Variants in ERI3 observed in about 807,000 individuals in gnomAD.
ERI3 encodes ERI1 exoribonuclease family member 3.
Under a neutral mutation model 44.4 loss-of-function variants are expected in ERI3, and 18 were observed. That is an observed-to-expected ratio of 0.41 (90% CI 0.28 to 0.60). ERI3 has a LOEUF of 0.60. Ranked by LOEUF, ERI3 falls within the 20% of genes least tolerant of loss-of-function variation. ERI3 has a pLI of 0.36. For missense variants in ERI3, 294 were observed against 435.5 expected, an observed-to-expected ratio of 0.68 and a Z score of 2.89; for synonymous variants, 183 against 164.8, an observed-to-expected ratio of 1.11 and a Z score of -0.84.
intron 7 of ERI3, among the ~76,000 whole-genome samples, chr1:44,257,165 C>T (rs544236205): frequency 4.9e-4 from 74 of 152,246 alleles, no homozygotes; most frequent in Admixed American, 1.0e-3. Flanking sequence ...CACTGCATAA[C>T]GATATAATGA....
chr1:44,342,853 A>ATT (rs1646706863), intron 2 of ERI3, among the ~76,000 whole-genome samples: 1 of 32,446 alleles, frequency 3.1e-5, no homozygotes, highest in African/African-American at 1.5e-4. Context: ...ATATATATAT[A>ATT]TATATTTTTT....
chr1:44,284,795 G>T, intron 7 of ERI3, 40 bp downstream of exon 7: 2 of 1,520,044 alleles, frequency 1.3e-6, no homozygotes, highest in Non-Finnish European at 1.8e-6. Context: ...AGGCACAAGA[G>T]CACCAGGGGA....
intron 3 of ERI3, among the ~76,000 whole-genome samples, chr1:44,329,190 C>T (rs1646378928): frequency 6.6e-6 from 1 of 152,302 alleles, no homozygotes; most frequent in South Asian, 2.1e-4. Flanking sequence ...CAGACACAAG[C>T]CAGGAGCTTA....
chr1:44,341,244 T>G lies in ERI3; in HGVS notation c.212-1922A>C, dbSNP rs371631465. On this transcript the variant is annotated intron_variant, in intron 2 of 8. Coordinates refer to ENST00000372257, the MANE Select transcript of ERI3 (RefSeq NM_024066.3). Reference sequence around the variant, plus strand: ...GCTGTGTTCTTCAATTCCTCATCTGTAAAATGACAATAACAATAGCACCTA... The same window carrying G: ...GCTGTGTTCTTCAATTCCTCATCTGGAAAATGACAATAACAATAGCACCTA... Among the ~76,000 whole-genome samples, 8 of 152,322 alleles carry G rather than the reference T, an allele frequency of 5.3e-5. No individual in the cohort carries two copies. In the East Asian group the frequency reaches 1.5e-3, roughly 29 times the overall value.
chr1:44,265,083 C>T (rs536571110), intron 7 of ERI3, among the ~76,000 whole-genome samples: 29 of 152,304 alleles, frequency 1.9e-4, no homozygotes, highest in African/African-American at 6.3e-4. Context: ...CACTCCCTCC[C>T]GCAAGCATCC....
chr1:44,299,636 T>G lies in ERI3; in HGVS notation c.758+8674A>C, dbSNP rs182013420. Among the ~76,000 whole-genome samples, 7 of 152,290 alleles carry G rather than the reference T, an allele frequency of 4.6e-5. 1 individual carries two copies. In the South Asian group the frequency reaches 1.5e-3, roughly 32 times the overall value. ...GCTTGGGAAAAAAGGTCTTCCAGCCTTCACTCTCTATCTGACAGAAGTCAG... is the reference window on the plus strand; with the variant it reads ...GCTTGGGAAAAAAGGTCTTCCAGCCGTCACTCTCTATCTGACAGAAGTCAG... On this transcript the variant is annotated intron_variant, in intron 6 of 8. Transcript: ENST00000372257.
chr1:44,241,081 G>A lies in ERI3; in HGVS notation c.931+6858C>T, dbSNP rs1644422831. On this transcript the variant is annotated intron_variant, in intron 8 of 8. Transcript: ENST00000372257. This position sits in a 1 kb window ranked among gnomAD's most constrained non-coding sequence, Gnocchi z 5.6. ...AGGGGCTGCTGTGAATGCCACTGGA[G>A]TGAAGGCTGTCTGTGCCACTCTAGG... 6.6e-6 allele frequency among the ~76,000 whole-genome samples: 1 copy of A among 152,178 alleles called. No homozygotes were observed. Among genetic ancestry groups the A allele is most frequent in the Non-Finnish European group, 1.5e-5 (1 of 68,016 alleles).
intron 8 of ERI3, among the ~76,000 whole-genome samples, chr1:44,244,991 T>C (rs1388530047): frequency 6.6e-6 from 1 of 151,912 alleles, no homozygotes; most frequent in East Asian, 1.9e-4. Flanking sequence ...CCAATACACA[T>C]ACCACTCCCC....
intron 6 of ERI3, among the ~76,000 whole-genome samples, chr1:44,287,556 C>T (rs565844303): frequency 4.1e-4 from 63 of 152,316 alleles, no homozygotes; most frequent in Non-Finnish European, 6.9e-4. Context: ...GGTCAGTTTC[C>T]TGGAAGGGAA....
chr1:44,306,908 T>C (rs1158924246), intron 6 of ERI3, among the ~76,000 whole-genome samples: 1 of 152,178 alleles, frequency 6.6e-6, no homozygotes. Flanking sequence ...GTAGCTTCTC[T>C]TGGGCTACAG....
intron 7 of ERI3, among the ~76,000 whole-genome samples, chr1:44,266,462 T>C (rs2154320858): frequency 6.6e-6 from 1 of 152,340 alleles, no homozygotes; most frequent in South Asian, 2.1e-4. Context: ...GATCAGTACA[T>C]TGATAGTCTA....
chr1:44,240,100 C>T (rs1572087007), intron 8 of ERI3, among the ~76,000 whole-genome samples: 1 of 152,252 alleles, frequency 6.6e-6, no homozygotes, highest in East Asian at 1.9e-4. Context: ...CCTCAGCCAC[C>T]ACAGCAGGCT....
Position 44,235,559 on chromosome 1 carries a change from G to T in ERI3, c.931+12380C>A, listed in dbSNP as rs918140755. ...ACTGAAAAGAAGGAAGGAAGGACTA[G>T]AGGAAAAGAAAGAGGGGCAAGATCA... On this transcript the variant is annotated intron_variant, in intron 8 of 8. Coordinates refer to ENST00000372257, the MANE Select transcript of ERI3 (RefSeq NM_024066.3). This position sits in a 1 kb window ranked among gnomAD's most constrained non-coding sequence, Gnocchi z 4.6. Among the ~76,000 whole-genome samples, 1 of 152,166 alleles carries T rather than the reference G, an allele frequency of 6.6e-6. No individual in the cohort carries two copies. The highest frequency in any genetic ancestry group is 6.5e-5 in the Admixed American group (1 of 15,280).
chr1:44,281,601 A>AATATATATAT (rs1553189558), intron 7 of ERI3, among the ~76,000 whole-genome samples: 707 of 127,888 alleles, frequency 5.5e-3, no homozygotes, highest in Non-Finnish European at 8.2e-3. Flanking sequence ...AAAAAAAAAA[A>AATATATATAT]ATATATATAT....
At chr1:44,258,333 G>A (rs1024712249) in intron 7 of ERI3, among the ~76,000 whole-genome samples, 27 of 152,216 alleles carry the variant, frequency 1.8e-4, no homozygotes, top group African/African-American at 5.5e-4. Context: ...TTGAGCATGC[G>A]GCACTACCGC....
intron 6 of ERI3, among the ~76,000 whole-genome samples, chr1:44,291,116 G>A (rs1196876748): frequency 6.6e-6 from 1 of 152,208 alleles, no homozygotes; most frequent in East Asian, 1.9e-4. Flanking sequence ...ACCCGAATTA[G>A]TGAGGGGGTC....
intron 7 of ERI3, among the ~76,000 whole-genome samples, chr1:44,283,262 G>T (rs1001640572): frequency 2.0e-5 from 3 of 152,176 alleles, no homozygotes; most frequent in Admixed American, 2.0e-4. Context: ...ATTACTCACT[G>T]AGCACATACT....
intron 8 of ERI3, among the ~76,000 whole-genome samples, chr1:44,224,121 C>G (rs778166035): frequency 6.6e-6 from 1 of 152,276 alleles, no homozygotes; most frequent in African/African-American, 2.4e-5. Context: ...TATGAACTTA[C>G]GCAGATTTTC....
chr1:44,354,493 G>A, intron 1 of ERI3: 1 of 985,368 alleles, frequency 1.0e-6, no homozygotes, highest in Non-Finnish European at 1.2e-6. Flanking sequence ...AGCTAGCCAG[G>A]TTAGGCCCTT....
Sources: allele counts gnomAD v4.1 joint callset (sites outside exome capture counted in the v4.1 genomes callset), GRCh38; gene constraint gnomAD v4.1.1; non-coding constraint Gnocchi (gnomAD v3.1); transcripts MANE v1.5; gene names NCBI Gene and HGNC (gene_info 2026-07-23, HGNC 2026-07-21).